Variants in IGFBP4 observed in about 807,000 individuals in gnomAD.
IGFBP4 encodes insulin like growth factor binding protein 4, also known as insulin-like growth factor-binding protein 4.
IGFBP4 carries 9 observed loss-of-function variants against 25.8 expected under a neutral mutation model. The ratio of observed to expected loss-of-function variants is 0.35; its 90% CI spans 0.21 to 0.61. The LOEUF (loss-of-function observed/expected upper bound fraction) is 0.61. Ranked by LOEUF, IGFBP4 falls within the 20% of genes least tolerant of loss-of-function variation. IGFBP4 has a pLI of 0.77. For missense variants in IGFBP4, 315 were observed against 365.3 expected (o/e 0.86, Z 1.12); for synonymous variants, 153 against 153.9 (o/e 0.99, Z 0.05).
At position 40,444,029 on chromosome 17, in the gene IGFBP4, C is replaced by T; in HGVS notation, c.294C>T (p.Gly98=). 1.3e-6 allele frequency: 2 copies of T among 1,538,876 alleles called. No homozygotes were observed. The highest frequency in any genetic ancestry group is 1.7e-6 in the Non-Finnish European group (2 of 1,148,066). ...TGCACACACTGATGCACGGGCAAGG[C>T]GTGTGCATGGAGCTGGCGGAGATCG... ...KPLHTLMHGQ[G]VCMELAEIEA... is the part of the protein sequence containing the mutation. The change falls in exon 1 of 4, where the codon GGC becomes GGT. Residue 98 remains glycine (G), a synonymous_variant. Coordinates refer to ENST00000269593, the MANE Select transcript of IGFBP4 (RefSeq NM_001552.3).
At position 40,443,976 on chromosome 17, in the gene IGFBP4, T is replaced by C. The variant is rs1056687123; in HGVS notation, c.241T>C (p.Tyr81His). 3 of 1,531,060 alleles carry C rather than the reference T, an allele frequency of 2.0e-6. No homozygotes were observed. The African/African-American group carries it at 4.2e-5, about 21-fold the overall frequency. The allele number at this position is 1,531,060 out of a possible 1,614,324, so 94.8% of individuals were successfully genotyped here. A position where few individuals can be genotyped will look rare whatever the true frequency, so the allele number is the denominator to read the frequency against. The change falls in exon 1 of 4, where the codon TAC becomes CAC. Residue 81 changes from tyrosine (Y) to histidine (H), a missense_variant. Transcript: ENST00000269593. ...TPRCGSGLRC[Y>H]PPRGVEKPLH... ...CCGTTGCGGCTCGGGCCTGCGCTGCTACCCGCCCCGAGGGGTGGAGAAGCC... is the reference window on the plus strand; with the variant it reads ...CCGTTGCGGCTCGGGCCTGCGCTGCCACCCGCCCCGAGGGGTGGAGAAGCC...
chr17:40,453,042 G>T lies in IGFBP4; in HGVS notation c.407G>T (p.Arg136Leu). ...TTCAGCCCCTGTAGCGCCCATGACCGCAGGTGCCTGCAGAAGCACTTCGCC... is the reference window on the plus strand; with the variant it reads ...TTCAGCCCCTGTAGCGCCCATGACCTCAGGTGCCTGCAGAAGCACTTCGCC... ...NSFSPCSAHD[R>L]RCLQKHFAKI... The change falls in exon 2 of 4, where the codon CGC becomes CTC. Residue 136 changes from arginine to leucine, a missense_variant. Arg to Leu is a moderately radical substitution (Grantham distance 102, BLOSUM62 -2). Transcript: ENST00000269593. The surrounding 1 kb of genome is among the most constrained non-coding windows in gnomAD (Gnocchi z 4.0). 1 of 1,597,522 alleles carries T rather than the reference G, an allele frequency of 6.3e-7. No homozygotes were observed. Among genetic ancestry groups the T allele is most frequent in the Non-Finnish European group, 8.5e-7 (1 of 1,171,820 alleles).
intron 1 of IGFBP4, among the ~76,000 whole-genome samples, chr17:40,449,457 A>T (rs948324831): frequency 3.2e-4 from 49 of 152,166 alleles, no homozygotes; most frequent in African/African-American, 1.1e-3. Flanking sequence ...CTCTTAAAAA[A>T]AAAAGAAAAG....
rs2035714583 is a variant in IGFBP4 at position 40,456,436 on chromosome 17, C to T, written c.643-13C>T. The T allele has an allele frequency of 6.2e-7, 1 of 1,614,000 alleles. No homozygotes were observed. The highest frequency in any genetic ancestry group is 2.2e-5 in the East Asian group (1 of 44,850). On this transcript the variant is annotated splice_polypyrimidine_tract_variant and intron_variant, in intron 3 of 3. Transcript: ENST00000269593. ...TGCGTCGGAACTGACCCCTCATGTC[C>T]TTCTCTTGGCAGTGTCACCCAGCTC...
Position 40,453,866 on chromosome 17 carries a change from C to T in IGFBP4, c.508-62C>T. The T allele has an allele frequency of 1.5e-6, 2 of 1,363,980 alleles. No homozygotes were observed. The highest frequency in any genetic ancestry group is 2.4e-5 in the East Asian group (1 of 42,312). The allele number at this position is 1,363,980 out of a possible 1,614,324, so 84.5% of individuals were successfully genotyped here. A position where few individuals can be genotyped will look rare whatever the true frequency, so the allele number is the denominator to read the frequency against. On this transcript the variant is annotated intron_variant, in intron 2 of 3. Transcript: ENST00000269593. The surrounding 1 kb of genome is among the most constrained non-coding windows in gnomAD (Gnocchi z 4.0). ...CTTCAGTTCTCACTTAGCTCTGACC[C>T]CAGGCCTGGGCCTCCTGCCTCTCTT...
Position 40,456,974 on chromosome 17 carries a change from C to G in IGFBP4, c.*391C>G. 1 of 191,960 alleles carries G rather than the reference C, an allele frequency of 5.2e-6. No homozygotes were observed. Among genetic ancestry groups the G allele is most frequent in the Non-Finnish European group, 1.1e-5 (1 of 94,024 alleles). The allele number at this position is 191,960 out of a possible 1,614,324, so 11.9% of individuals were successfully genotyped here. ...ACTACGTGCCAGCTCTAGTTTTCAG[C>G]CTTGGGAGGTTTTATTCTGACTTCC... On this transcript the variant is annotated 3_prime_UTR_variant, in exon 4 of 4. Transcript: ENST00000269593.
intron 1 of IGFBP4, among the ~76,000 whole-genome samples, chr17:40,449,722 C>G (rs2035671706): frequency 6.6e-6 from 1 of 150,700 alleles, no homozygotes; most frequent in African/African-American, 2.4e-5. Context: ...GCATTCCAGC[C>G]TGGGCGACAG....
intron 1 of IGFBP4, among the ~76,000 whole-genome samples, chr17:40,450,079 C>T (rs1469660595): frequency 6.6e-6 from 1 of 152,168 alleles, no homozygotes; most frequent in Non-Finnish European, 1.5e-5. Context: ...GTGATCACTG[C>T]TCACTGCAGC....
Position 40,444,034 on chromosome 17 carries a change from G to A in IGFBP4, c.299G>A (p.Cys100Tyr). ...LHTLMHGQGVCMELAEIEAIQ... is the reference protein window; with the variant it reads ...LHTLMHGQGVYMELAEIEAIQ... ...ACACTGATGCACGGGCAAGGCGTGTGCATGGAGCTGGCGGAGATCGAGGCC... is the reference window on the plus strand; with the variant it reads ...ACACTGATGCACGGGCAAGGCGTGTACATGGAGCTGGCGGAGATCGAGGCC... Residue 100 changes from cysteine to tyrosine, a missense_variant, in exon 1 of 4, where the codon TGC (cysteine) becomes TAC (tyrosine). Coordinates refer to ENST00000269593, the MANE Select transcript of IGFBP4 (RefSeq NM_001552.3). The A allele has an allele frequency of 6.5e-7, 1 of 1,538,852 alleles. No individual in the cohort carries two copies.
rs1253312772 is a variant in IGFBP4 at position 40,453,760 on chromosome 17, G to A, written c.508-168G>A. Among the ~76,000 whole-genome samples the A allele has an allele frequency of 6.6e-6, 1 of 151,662 alleles. No individual in the cohort carries two copies. The highest frequency in any genetic ancestry group is 6.6e-5 in the Admixed American group (1 of 15,246). On this transcript the variant is annotated intron_variant, in intron 2 of 3. Coordinates refer to ENST00000269593, the MANE Select transcript of IGFBP4 (RefSeq NM_001552.3). The surrounding 1 kb of genome is among the most constrained non-coding windows in gnomAD (Gnocchi z 4.0). Reference sequence around the variant, plus strand: ...TTTCCTCCACGTCTCTACCCTCCCAGTGTGTCCTCCAGACCCAGGCCTCTC... The same window carrying A: ...TTTCCTCCACGTCTCTACCCTCCCAATGTGTCCTCCAGACCCAGGCCTCTC...
rs1294840806 is a variant in IGFBP4 at position 40,453,699 on chromosome 17, A to G, written c.508-229A>G. On this transcript the variant is annotated intron_variant, in intron 2 of 3. Transcript: ENST00000269593. This position sits in a 1 kb window ranked among gnomAD's most constrained non-coding sequence, Gnocchi z 4.0. Reference sequence around the variant, plus strand: ...TCCCCACAGTGTCCCCTCACTTCCCACCCCTCCTTTGAAGAAGCTCTTTGG... The same window carrying G: ...TCCCCACAGTGTCCCCTCACTTCCCGCCCCTCCTTTGAAGAAGCTCTTTGG... 7.2e-6 allele frequency among the ~76,000 whole-genome samples: 1 copy of G among 138,038 alleles called. No homozygotes were observed. The highest frequency in any genetic ancestry group is 1.6e-5 in the Non-Finnish European group (1 of 63,688). 90.6% of individuals were successfully genotyped at this position (138,038 alleles called of 152,430 possible).
intron 3 of IGFBP4, 150 bp downstream of exon 3, chr17:40,454,212 G>C (rs2035702768): frequency 8.6e-7 from 1 of 1,156,792 alleles, no homozygotes; most frequent in African/African-American, 1.6e-5. Flanking sequence ...ACCTACCTCA[G>C]CGTCAGAACC....
rs3055243 is a variant in IGFBP4, at chr17:40,453,179, G to GACACAC, written c.507+47_507+52dup. 6 of 928,556 alleles carry GACACAC rather than the reference G, an allele frequency of 6.5e-6. No individual in the cohort carries two copies. Among genetic ancestry groups the GACACAC allele is most frequent in the Middle Eastern group, 2.9e-4 (1 of 3,496 alleles). 57.5% of individuals were successfully genotyped at this position (928,556 alleles called of 1,614,324 possible). ...CGATGCACAAATGTGCATGTGCATA[G>GACACAC]ACACACACACACACATGCCCCCTGC... On this transcript the variant is annotated intron_variant, in intron 2 of 3. Transcript: ENST00000269593. The surrounding 1 kb of genome is among the most constrained non-coding windows in gnomAD (Gnocchi z 4.0).
At position 40,456,749 on chromosome 17, in the gene IGFBP4, GTGTT is replaced by G. The variant is rs371803063; in HGVS notation, c.*170_*173del. ...CGTGTGCGTGTGCGTGCGTGTGTGT[GTGTT>G]TGTGAGCATGGGTGTGCCCTTGGGG... On this transcript the variant is annotated 3_prime_UTR_variant, in exon 4 of 4. Transcript: ENST00000269593. 5.5e-4 allele frequency: 356 copies of G among 650,556 alleles called. No homozygotes were observed. In the African/African-American group the frequency reaches 6.0e-3, roughly 11 times the overall value. 40.3% of individuals were successfully genotyped at this position (650,556 alleles called of 1,614,324 possible).
intron 1 of IGFBP4, among the ~76,000 whole-genome samples, chr17:40,450,528 T>C (rs1043932678): frequency 6.6e-6 from 1 of 151,988 alleles, no homozygotes; most frequent in Non-Finnish European, 1.5e-5. Flanking sequence ...ATTTTTTTTT[T>C]GTTTTTTTGT....
chr17:40,448,704 C>A (rs1488307037), intron 1 of IGFBP4, among the ~76,000 whole-genome samples: 1 of 152,146 alleles, frequency 6.6e-6, no homozygotes, highest in African/African-American at 2.4e-5. Flanking sequence ...CCACAAAAAC[C>A]TGGTGCTTAG....
At position 40,453,859 on chromosome 17, in the gene IGFBP4, T is replaced by G; in HGVS notation, c.508-69T>G. 1 of 1,274,630 alleles carries G rather than the reference T, an allele frequency of 7.8e-7. No individual in the cohort carries two copies. Among genetic ancestry groups the G allele is most frequent in the Non-Finnish European group, 1.1e-6 (1 of 911,522 alleles). 79.0% of individuals were successfully genotyped at this position (1,274,630 alleles called of 1,614,324 possible). Reference sequence around the variant, plus strand: ...TCGGGGCCTTCAGTTCTCACTTAGCTCTGACCCCAGGCCTGGGCCTCCTGC... The same window carrying G: ...TCGGGGCCTTCAGTTCTCACTTAGCGCTGACCCCAGGCCTGGGCCTCCTGC... On this transcript the variant is annotated intron_variant, in intron 2 of 3. Coordinates refer to ENST00000269593, the MANE Select transcript of IGFBP4 (RefSeq NM_001552.3). This position sits in a 1 kb window ranked among gnomAD's most constrained non-coding sequence, Gnocchi z 4.0.
chr17:40,454,371 G>A (rs1443936049), intron 3 of IGFBP4, among the ~76,000 whole-genome samples: 1 of 152,166 alleles, frequency 6.6e-6, no homozygotes, highest in East Asian at 1.9e-4. Context: ...CTGTGGTGCA[G>A]ACCTAGCAAC....
At position 40,456,473 on chromosome 17, in the gene IGFBP4, C is replaced by T. The variant is rs1374897522; in HGVS notation, c.667C>T (p.Arg223Cys). ...KQCHPALDGQRGKCWCVDRKT... is the reference protein window; with the variant it reads ...KQCHPALDGQCGKCWCVDRKT... ...GTGTCACCCAGCTCTGGATGGGCAG[C>T]GTGGCAAGTGCTGGTGTGTGGACCG... The change falls in exon 4 of 4, where the codon CGT becomes TGT. Residue 223 changes from arginine (R) to cysteine (C), a missense_variant. Physicochemically the swap from Arg to Cys is radical, Grantham distance 180. Transcript: ENST00000269593. 1.2e-6 allele frequency: 2 copies of T among 1,613,872 alleles called. No individual in the cohort carries two copies. The highest frequency in any genetic ancestry group is 8.5e-7 in the Non-Finnish European group (1 of 1,179,962).
Sources: allele counts gnomAD v4.1 joint callset (sites outside exome capture counted in the v4.1 genomes callset), GRCh38; gene constraint gnomAD v4.1.1; non-coding constraint Gnocchi (gnomAD v3.1); transcripts MANE v1.5; gene names NCBI Gene and HGNC (gene_info 2026-07-23, HGNC 2026-07-21).